The following BACH2 variants were observed in gnomAD, a reference collection of about 807,000 sequenced individuals.
BACH2 encodes BACH transcriptional regulator 2.
In BACH2, 5 loss-of-function variants were observed where a neutral mutation model predicts 61.8. That is an observed-to-expected ratio of 0.08 (90% CI 0.04 to 0.17). The LOEUF (loss-of-function observed/expected upper bound fraction) is 0.17. Among genes scored for constraint, BACH2 ranks in the 10% least tolerant of loss-of-function variants. The pLI is 1.00. For synonymous variants in BACH2, 446 were observed against 440.1 expected (o/e 1.01, Z -0.17); for missense variants, 824 against 1,091.1 (o/e 0.76, Z 3.45).
In BACH2 at chr6:90,210,972, T is replaced by C. The variant is rs891541614; in HGVS notation, c.-274-4291A>G. ...GTCAGGAGTACCAGCCTGGCCAACA[T>C]GGAAAAACCTCATCTCTACTAAAAA... On this transcript the variant is annotated intron_variant, in intron 3 of 8. Transcript: ENST00000257749. 3.6e-4 allele frequency among the ~76,000 whole-genome samples: 55 copies of C among 151,276 alleles called. 1 individual carries two copies. Among genetic ancestry groups the C allele is most frequent in the African/African-American group, 1.2e-3 (49 of 41,158 alleles).
intron 5 of BACH2, among the ~76,000 whole-genome samples, chr6:90,038,394 A>G (rs1194023402): frequency 2.0e-5 from 3 of 152,182 alleles, no homozygotes; most frequent in Non-Finnish European, 4.4e-5. Flanking sequence ...TTTGAACTTT[A>G]AAGAAATAAT....
At position 90,007,225 on chromosome 6, in the gene BACH2, C is replaced by T. The variant is rs545484764; in HGVS notation, c.243+1377G>A. ...GAGTAGCTGGGATTATAGGCACACA[C>T]CACCATGCCTGGCTAATATTTTGTA... On this transcript the variant is annotated intron_variant, in intron 6 of 8. Transcript: ENST00000257749. 3.3e-5 allele frequency among the ~76,000 whole-genome samples: 5 copies of T among 152,204 alleles called. No homozygotes were observed. In the South Asian group the frequency reaches 6.2e-4, roughly 19 times the overall value.
chr6:90,154,875 T>C (rs1562477611), intron 4 of BACH2, among the ~76,000 whole-genome samples: 2 of 151,818 alleles, frequency 1.3e-5, no homozygotes, highest in Non-Finnish European at 2.9e-5. Context: ...CCACAGACAA[T>C]GGGATAACCC....
chr6:90,061,888 A>G (rs1266385549), intron 5 of BACH2, among the ~76,000 whole-genome samples: 1 of 152,146 alleles, frequency 6.6e-6, no homozygotes, highest in Non-Finnish European at 1.5e-5. Context: ...ACTTTAATGG[A>G]GTGTGTCAAG....
At chr6:90,167,994 T>G (rs756833310) in intron 4 of BACH2, among the ~76,000 whole-genome samples, 5 of 152,236 alleles carry the variant, frequency 3.3e-5, no homozygotes, top group Non-Finnish European at 7.3e-5. Flanking sequence ...TTTCTAGGAA[T>G]CTAGCCTAAG....
At chr6:90,004,760 C>T (rs1317769407) in intron 6 of BACH2, among the ~76,000 whole-genome samples, 3 of 152,182 alleles carry the variant, frequency 2.0e-5, no homozygotes, top group South Asian at 4.1e-4. Flanking sequence ...AGTGGAAGAA[C>T]GGCCCTGCAA....
intron 2 of BACH2, among the ~76,000 whole-genome samples, chr6:90,265,301 A>G (rs900631317): frequency 6.6e-6 from 1 of 151,392 alleles, no homozygotes; most frequent in Admixed American, 6.6e-5. Context: ...GAATTTCTAA[A>G]TAACAGCACC....
chr6:90,044,384 A>G (rs1779683333), intron 5 of BACH2, among the ~76,000 whole-genome samples: 1 of 152,118 alleles, frequency 6.6e-6, no homozygotes, highest in Admixed American at 6.5e-5. Flanking sequence ...TGCTCTGATG[A>G]CTCAAAAGGC....
intron 7 of BACH2, among the ~76,000 whole-genome samples, chr6:89,947,570 C>T (rs969221081): frequency 2.1e-5 from 3 of 144,970 alleles, no homozygotes; most frequent in African/African-American, 5.0e-5. Flanking sequence ...ATTTTTCTTT[C>T]TTTTTTTTTT....
chr6:89,990,359 C>A (rs187985404), intron 6 of BACH2, among the ~76,000 whole-genome samples: 1 of 152,164 alleles, frequency 6.6e-6, no homozygotes, highest in Non-Finnish European at 1.5e-5. Flanking sequence ...AAGTCTGCTG[C>A]GAAATTCTCA....
At chr6:89,972,304 C>G (rs1281051243) in intron 6 of BACH2, among the ~76,000 whole-genome samples, 1 of 152,112 alleles carries the variant, frequency 6.6e-6, no homozygotes, top group Non-Finnish European at 1.5e-5. Flanking sequence ...TCACAGAAGT[C>G]CAGGCAAGCA....
chr6:90,089,786 T>G (rs909327500), intron 4 of BACH2, among the ~76,000 whole-genome samples: 1 of 152,174 alleles, frequency 6.6e-6, no homozygotes, highest in Admixed American at 6.6e-5. Flanking sequence ...TCAGAATTTT[T>G]GGATTTTAGA....
chr6:89,963,299 TTTGTTTTTGTTTTTAAGAC>T lies in BACH2; in HGVS notation c.244-11456_244-11438del, dbSNP rs771416820. On this transcript the variant is annotated intron_variant, in intron 6 of 8. Transcript: ENST00000257749. The stretch of plus-strand genomic sequence containing the variant: ...ACTGTTTTATTTTTTATTTTTCTTG[TTTGTTTTTGTTTTTAAGAC>T]AGGGTCTCACTCTCACCCAGGCTGG... Among the ~76,000 whole-genome samples, 532 of 151,846 alleles carry T rather than the reference TTTGTTTTTGTTTTTAAGAC, an allele frequency of 3.5e-3. 2 individuals are homozygous for T. The highest frequency in any genetic ancestry group is 4.8e-3 in the Non-Finnish European group (327 of 68,010).
intron 3 of BACH2, among the ~76,000 whole-genome samples, chr6:90,243,386 A>C (rs548593066): frequency 6.6e-6 from 1 of 152,332 alleles, no homozygotes; most frequent in East Asian, 1.9e-4. Context: ...AAACCTCAAC[A>C]AACTGTAGTT....
At chr6:90,108,309 C>T (rs187424982) in intron 4 of BACH2, among the ~76,000 whole-genome samples, 1 of 152,272 alleles carries the variant, frequency 6.6e-6, no homozygotes, top group African/African-American at 2.4e-5. Flanking sequence ...GGAAGGTGGA[C>T]AGCATGTGCT....
chr6:90,107,176 A>C (rs954219862), intron 4 of BACH2, among the ~76,000 whole-genome samples: 2 of 152,156 alleles, frequency 1.3e-5, no homozygotes, highest in African/African-American at 4.8e-5. Flanking sequence ...GATCAAGACC[A>C]TCCTGGCCAA....
At chr6:90,163,086 A>G (rs1020295285) in intron 4 of BACH2, among the ~76,000 whole-genome samples, 1 of 152,232 alleles carries the variant, frequency 6.6e-6, no homozygotes, top group Non-Finnish European at 1.5e-5. Flanking sequence ...AATACAGTCA[A>G]CTTCTCTAAA....
At position 90,283,577 on chromosome 6, in the gene BACH2, G is replaced by A. The variant is rs148276114; in HGVS notation, c.-445-11636C>T. ...TTTTTACTAGAGACAGGGTTTCATC[G>A]TTTTAGCCAGGATGGTCCCGATCTC... On this transcript the variant is annotated intron_variant, in intron 1 of 8. Coordinates refer to ENST00000257749, the MANE Select transcript of BACH2 (RefSeq NM_021813.4). Among the ~76,000 whole-genome samples the A allele has an allele frequency of 2.5e-3, 371 of 150,560 alleles. 4 individuals carry two copies. Among genetic ancestry groups the A allele is most frequent in the African/African-American group, 8.7e-3 (360 of 41,342 alleles).
At chr6:90,254,221 A>T (rs916235651) in intron 2 of BACH2, among the ~76,000 whole-genome samples, 1 of 151,750 alleles carries the variant, frequency 6.6e-6, no homozygotes, top group Non-Finnish European at 1.5e-5. Context: ...CTTGGTAAAG[A>T]GTTGATGAAT....
Sources: allele counts gnomAD v4.1 joint callset (sites outside exome capture counted in the v4.1 genomes callset), GRCh38; gene constraint gnomAD v4.1.1; transcripts MANE v1.5; gene names NCBI Gene and HGNC (gene_info 2026-07-23, HGNC 2026-07-21).